WNK1: variants seen among roughly 807,000 people sequenced by gnomAD.
WNK1 encodes the protein WNK lysine deficient protein kinase 1, also known as serine/threonine-protein kinase WNK1.
Under a neutral mutation model 222.8 loss-of-function variants are expected in WNK1, and 38 were observed. The ratio of observed to expected loss-of-function variants is 0.17; its 90% CI spans 0.13 to 0.22. The LOEUF (loss-of-function observed/expected upper bound fraction) is 0.22, where lower values mean the gene tolerates loss of function less well. Among genes scored for constraint, WNK1 ranks in the 10% least tolerant of loss-of-function variants. The probability of loss-of-function intolerance (pLI) is 1.00; values close to 1 mark genes in which losing one functional copy is unlikely to be tolerated. For synonymous variants in WNK1, 1,090 were observed against 1,092.9 expected (o/e 1.00, Z 0.05); for missense variants, 2,348 against 2,918.4 (o/e 0.80, Z 4.50).
intron 1 of WNK1, among the ~76,000 whole-genome samples, chr12:812,761 A>G (rs1303304983): frequency 6.6e-6 from 1 of 152,220 alleles, no homozygotes; most frequent in East Asian, 1.9e-4. Flanking sequence ...TGAGAGAGAA[A>G]TTAAAGGATA....
At chr12:908,193 C>T (rs1955861642) in intron 27 of WNK1, 159 bp downstream of exon 27, 2 of 1,015,648 alleles carry the variant, frequency 2.0e-6, no homozygotes, top group East Asian at 5.2e-5. Context: ...TTTTATTTTT[C>T]CTTCCCTGAA....
In WNK1 at chr12:885,108, C is replaced by T; in HGVS notation, c.4304C>T (p.Thr1435Ile). 1 of 1,614,228 alleles carries T rather than the reference C, an allele frequency of 6.2e-7. No homozygotes were observed. The highest frequency in any genetic ancestry group is 8.5e-7 in the Non-Finnish European group (1 of 1,180,036). Reference protein sequence around the residue: ...STTSPSLQVPTSTSEIVVSST... With the variant: ...STTSPSLQVPISTSEIVVSST... ...ACATCCCCGTCACTTCAAGTCCCCA[C>T]ATCCACATCTGAGATCGTTGTTTCT... is the stretch of plus-strand genomic sequence containing the variant. The change falls in exon 19 of 28, where the codon ACA (threonine) becomes ATA (isoleucine). Residue 1435 changes from threonine to isoleucine, a missense_variant. This residue lies in a region of WNK1 where 1,144 missense variants were observed against 1,273.6 expected (regional missense o/e 0.90). Transcript: ENST00000315939.
chr12:855,367 C>G (rs7301349), intron 4 of WNK1, among the ~76,000 whole-genome samples: 96,099 of 151,836 alleles, frequency 0.63, 31,221 homozygotes, highest in East Asian at 0.87. Context: ...GTTAGCCCTG[C>G]GAGTAGAATT....
intron 9 of WNK1, 147 bp from the exon 10 acceptor site, chr12:878,065 G>A: frequency 1.0e-6 from 1 of 979,592 alleles, no homozygotes; most frequent in Admixed American, 2.1e-5. Flanking sequence ...ATATATAATG[G>A]AAATTGATGA....
chr12:890,453 C>T lies in WNK1; in HGVS notation c.5449C>T (p.Pro1817Ser), dbSNP rs1401495953. Residue 1817 changes from proline (P) to serine (S), a missense_variant and splice_region_variant, in exon 22 of 28, where the codon CCT becomes TCT. Around this residue, in one of 13 missense-constraint regions of WNK1, gnomAD observed 1,144 missense variants for 1,273.6 expected, o/e 0.90. Coordinates refer to ENST00000315939, the MANE Select transcript of WNK1 (RefSeq NM_018979.4). The part of the protein sequence containing the change: ...EMITVTSAVG[P>S]VSMAAPTAIT... ...GTGTCTGTCTGTGTGTGTTTTACAGCCTGTGTCCATGGCGGCTCCAACAGC... is the reference window on the plus strand; with the variant it reads ...GTGTCTGTCTGTGTGTGTTTTACAGTCTGTGTCCATGGCGGCTCCAACAGC... 2 of 1,614,090 alleles carry T rather than the reference C, an allele frequency of 1.2e-6. No homozygotes were observed. Among genetic ancestry groups the T allele is most frequent in the African/African-American group, 2.7e-5 (2 of 75,032 alleles).
In WNK1 at chr12:877,993, A is replaced by G. The variant is rs1952782714; in HGVS notation, c.2224-219A>G. ...GTGAAGAGCCAATGGTAACTTGAGT[A>G]TTAAAAGATTGGTTAATTTTTCCTG... On this transcript the variant is annotated intron_variant, in intron 9 of 27. Coordinates refer to ENST00000315939, the MANE Select transcript of WNK1 (RefSeq NM_018979.4). 3.6e-5 allele frequency: 21 copies of G among 588,370 alleles called. No individual in the cohort carries two copies. In the South Asian group the frequency reaches 3.7e-4, roughly 10 times the overall value. 36.4% of individuals were successfully genotyped at this position (588,370 alleles called of 1,614,324 possible).
rs34202153 is a variant in WNK1, at chr12:896,886, C to CCACACACACA, written c.6245+198_6245+207dup. On this transcript the variant is annotated intron_variant, in intron 24 of 27. Coordinates refer to ENST00000315939, the MANE Select transcript of WNK1 (RefSeq NM_018979.4). The stretch of plus-strand genomic sequence containing the variant: ...AGAAGCCCCACCCCATACCTCCCCA[C>CCACACACACA]CACACACACACACACACACACACAC... Among the ~76,000 whole-genome samples the CCACACACACA allele has an allele frequency of 1.2e-3, 160 of 134,602 alleles. 1 individual carries two copies. The highest frequency in any genetic ancestry group is 4.3e-3 in the African/African-American group (148 of 34,086). 88.3% of individuals were successfully genotyped at this position (134,602 alleles called of 152,430 possible).
intron 1 of WNK1, among the ~76,000 whole-genome samples, chr12:757,355 C>T (rs372419231): frequency 2.6e-4 from 33 of 124,666 alleles, no homozygotes; most frequent in South Asian, 5.3e-4. Flanking sequence ...GAGACGGAGT[C>T]TTGCTCTATC....
intron 1 of WNK1, among the ~76,000 whole-genome samples, chr12:779,522 A>G (rs1943469075): frequency 6.6e-6 from 1 of 150,690 alleles, no homozygotes; most frequent in Admixed American, 6.6e-5. Context: ...CTCCTGTCTC[A>G]GCCTCCTGAG....
rs75018892 is a variant in WNK1 at position 826,323 on chromosome 12, C to T, written c.933-719C>T. Among the ~76,000 whole-genome samples, 638 of 152,282 alleles carry T rather than the reference C, an allele frequency of 4.2e-3. 4 individuals are homozygous for T. The highest frequency in any genetic ancestry group is 0.014 in the African/African-American group (601 of 41,574). On this transcript the variant is annotated intron_variant, in intron 2 of 27. Coordinates refer to ENST00000315939, the MANE Select transcript of WNK1 (RefSeq NM_018979.4). ...GCTAGTGGCAACTTTATTGGACAGA[C>T]CATCCTTGCAGAAAGGTCTGTTAGA...
At chr12:821,443 C>T (rs116005329) in intron 2 of WNK1, among the ~76,000 whole-genome samples, 5,499 of 152,284 alleles carry the variant, frequency 0.036, 321 homozygotes, top group African/African-American at 0.12. Flanking sequence ...ATGAAGCCAT[C>T]CAGTCCTAGA....
At chr12:754,529 A>G (rs1202537251) in intron 1 of WNK1, among the ~76,000 whole-genome samples, 3 of 152,246 alleles carry the variant, frequency 2.0e-5, no homozygotes, top group Non-Finnish European at 4.4e-5. Flanking sequence ...ATTGGTAGCC[A>G]GAGGGATTTG....
At chr12:809,243 A>AAAT (rs1555103397) in intron 1 of WNK1, among the ~76,000 whole-genome samples, 4 of 104,552 alleles carry the variant, frequency 3.8e-5, no homozygotes, top group African/African-American at 1.5e-4. Context: ...AAAAAAAAAA[A>AAAT]TTTTTTTTTT....
intron 4 of WNK1, among the ~76,000 whole-genome samples, chr12:855,774 TAGAC>T (rs773184635): frequency 3.3e-5 from 5 of 152,176 alleles, no homozygotes; most frequent in Admixed American, 1.3e-4. Context: ...CCCCACCTCT[TAGAC>T]AGTAGCATTT....
intron 1 of WNK1, among the ~76,000 whole-genome samples, chr12:807,881 G>A (rs1011623305): frequency 2.0e-5 from 3 of 151,830 alleles, no homozygotes; most frequent in African/African-American, 7.3e-5. Context: ...CACTACGCCT[G>A]GCTAATTTTT....
intron 1 of WNK1, among the ~76,000 whole-genome samples, chr12:761,483 C>T (rs1941010636): frequency 6.8e-6 from 1 of 148,082 alleles, no homozygotes; most frequent in African/African-American, 2.4e-5. Flanking sequence ...AGAAAAACCA[C>T]AGTCATTCCT....
chr12:775,188 C>T (rs1297408823), intron 1 of WNK1, among the ~76,000 whole-genome samples: 1 of 152,122 alleles, frequency 6.6e-6, no homozygotes, highest in Non-Finnish European at 1.5e-5. Flanking sequence ...AATGTTTATA[C>T]TAGCTCCTTA....
At chr12:838,255 T>C (rs1192849035) in intron 4 of WNK1, among the ~76,000 whole-genome samples, 1 of 152,194 alleles carries the variant, frequency 6.6e-6, no homozygotes, top group Non-Finnish European at 1.5e-5. Context: ...CCTTTAGATA[T>C]ATACCTAGAA....
intron 1 of WNK1, among the ~76,000 whole-genome samples, chr12:791,006 GC>G (rs1292936876): frequency 6.6e-6 from 1 of 152,068 alleles, no homozygotes; most frequent in Non-Finnish European, 1.5e-5. Context: ...AGGGAAATGT[GC>G]TATGTTTGGA....
Sources: allele counts gnomAD v4.1 joint callset (sites outside exome capture counted in the v4.1 genomes callset), GRCh38; gene constraint gnomAD v4.1.1; regional missense constraint gnomAD v4.1.1; transcripts MANE v1.5; gene names NCBI Gene and HGNC (gene_info 2026-07-23, HGNC 2026-07-21).